AP2A1: variants seen among roughly 807,000 people sequenced by gnomAD.
AP2A1 encodes the protein adaptor related protein complex 2 subunit alpha 1, also known as AP-2 complex subunit alpha-1.
AP2A1 carries 21 observed loss-of-function variants against 107.3 expected under a neutral mutation model. The observed-to-expected ratio is 0.20, with a 90% confidence interval of 0.14 to 0.28. The LOEUF (loss-of-function observed/expected upper bound fraction) is 0.28. Among genes scored for constraint, AP2A1 ranks in the 10% least tolerant of loss-of-function variants. The probability of loss-of-function intolerance (pLI) is 1.00; values close to 1 mark genes in which losing one functional copy is unlikely to be tolerated. For synonymous variants in AP2A1, 602 were observed against 564.8 expected, an observed-to-expected ratio of 1.07 and a Z score of -0.93; for missense variants, 873 against 1,307.7, an observed-to-expected ratio of 0.67 and a Z score of 5.13.
intron 18 of AP2A1, chr19:49,804,906 C>T (rs1208627181): frequency 6.6e-6 from 1 of 152,372 alleles, no homozygotes; most frequent in Non-Finnish European, 1.5e-5. Flanking sequence ...CTCCTGAGGA[C>T]ATTTTACACA....
Position 49,805,546 on chromosome 19 carries a change from T to G in AP2A1, c.2438T>G (p.Leu813Arg), listed in dbSNP as rs1201757963. The G allele has an allele frequency of 6.3e-7, 1 of 1,577,620 alleles. No individual in the cohort carries two copies. Among genetic ancestry groups the G allele is most frequent in the Non-Finnish European group, 8.6e-7 (1 of 1,162,574 alleles). Residue 813 changes from leucine to arginine, a missense_variant, in exon 19 of 23, where the codon CTG becomes CGG. Physicochemically the swap from Leu to Arg is moderately radical, Grantham distance 102 (BLOSUM62 -2). Around this residue, in one of 4 missense-constraint regions of AP2A1, gnomAD observed 416 missense variants for 473.4 expected, o/e 0.88. Transcript: ENST00000354293. ...VLNIECLRDF[L>R]TPPLLSVRFR... The stretch of plus-strand genomic sequence containing the variant: ...AATATCGAGTGCCTGCGGGACTTCC[T>G]GACGCCCCCGCTGCTGTCCGTGCGC...
intron 18 of AP2A1, chr19:49,803,677 T>C (rs1225014195): frequency 1.8e-5 from 8 of 436,472 alleles, no homozygotes; most frequent in Non-Finnish European, 2.6e-5. Context: ...GGGCTCCATG[T>C]CATGATGCCA....
Position 49,793,092 on chromosome 19 carries a change from G to T in AP2A1, c.705G>T (p.Arg235=), listed in dbSNP as rs911292473. The T allele has an allele frequency of 6.3e-7, 1 of 1,598,990 alleles. No homozygotes were observed. The highest frequency in any genetic ancestry group is 1.1e-5 in the South Asian group (1 of 88,454). ...CVSLAVSRLS[R]IVSSASTDLQ... is the part of the protein sequence containing the mutation. ...CTCTGGCTGTGTCGCGCCTGAGCCG[G>T]GTGGGTGTGGCCTAGATATTGGCTG... Residue 235 remains arginine (R), a splice_region_variant and synonymous_variant, in exon 6 of 23, where the codon CGG becomes CGT. Transcript: ENST00000354293.
At chr19:49,790,221 G>C (rs1418681730) in intron 4 of AP2A1, among the ~76,000 whole-genome samples, 1 of 152,158 alleles carries the variant, frequency 6.6e-6, no homozygotes, top group Non-Finnish European at 1.5e-5. Flanking sequence ...GCTTTCCTTG[G>C]CTCGTGGCCC....
intron 21 of AP2A1, 89 bp downstream of exon 21, chr19:49,806,030 C>T (rs1355019328): frequency 1.9e-6 from 3 of 1,609,944 alleles, no homozygotes; most frequent in Non-Finnish European, 2.5e-6. Flanking sequence ...GGCCAATTCC[C>T]ATCCCCAAGG....
Position 49,807,099 on chromosome 19 carries a change from C to CA in AP2A1, c.*342dup, listed in dbSNP as rs1555795381. 3 of 1,353,320 alleles carry CA rather than the reference C, an allele frequency of 2.2e-6. No homozygotes were observed. Among genetic ancestry groups the CA allele is most frequent in the Non-Finnish European group, 2.9e-6 (3 of 1,020,222 alleles). The allele number at this position is 1,353,320 out of a possible 1,614,324, so 83.8% of individuals were successfully genotyped here. On this transcript the variant is annotated 3_prime_UTR_variant, in exon 23 of 23. Coordinates refer to ENST00000354293, the MANE Select transcript of AP2A1 (RefSeq NM_130787.3). ...CTGTGTATTATTGTGAGCGAATAAA[C>CA]AGAGAGACGCTAACAGCCCCATGTC...
chr19:49,783,318 A>G (rs1460796243), intron 4 of AP2A1, among the ~76,000 whole-genome samples: 1 of 152,110 alleles, frequency 6.6e-6, no homozygotes, highest in Non-Finnish European at 1.5e-5. Flanking sequence ...GCAAAATCCC[A>G]ATCTCTACTA....
intron 4 of AP2A1, among the ~76,000 whole-genome samples, chr19:49,784,969 T>A (rs1477777993): frequency 6.6e-6 from 1 of 152,176 alleles, no homozygotes; most frequent in African/African-American, 2.4e-5. Context: ...AAAGCCAGAA[T>A]TAGTGGCCTG....
chr19:49,799,178 T>A (rs2073246101), intron 8 of AP2A1, 149 bp from the exon 9 acceptor site: 1 of 1,141,474 alleles, frequency 8.8e-7, no homozygotes, highest in Non-Finnish European at 1.2e-6. Context: ...GTTGTCTGGG[T>A]CACTGGAGGT....
intron 8 of AP2A1, 99 bp downstream of exon 8, chr19:49,799,051 G>T: frequency 1.4e-6 from 2 of 1,461,824 alleles, no homozygotes; most frequent in South Asian, 1.3e-5. Context: ...AGGGAATCTT[G>T]ACTTTTAGGT....
chr19:49,807,099 CAGAG>C lies in AP2A1; in HGVS notation c.*345_*348del, dbSNP rs767296732. 7.4e-6 allele frequency: 10 copies of C among 1,353,318 alleles called. No individual in the cohort carries two copies. The highest frequency in any genetic ancestry group is 2.3e-5 in the South Asian group (2 of 87,478). 83.8% of individuals were successfully genotyped at this position (1,353,318 alleles called of 1,614,324 possible). A position where few individuals can be genotyped will look rare whatever the true frequency, so the allele number is the denominator to read the frequency against. ...CTGTGTATTATTGTGAGCGAATAAA[CAGAG>C]AGACGCTAACAGCCCCATGTCTGTG... On this transcript the variant is annotated 3_prime_UTR_variant, in exon 23 of 23. Coordinates refer to ENST00000354293, the MANE Select transcript of AP2A1 (RefSeq NM_130787.3).
In AP2A1 at chr19:49,799,394, C is replaced by T. The variant is rs763590791; in HGVS notation, c.1033C>T (p.Leu345=). The change falls in exon 9 of 23, where the codon CTG becomes TTG. Residue 345 remains leucine, a synonymous_variant. Coordinates refer to ENST00000354293, the MANE Select transcript of AP2A1 (RefSeq NM_130787.3). ...GTTCCTGCAGCACCGGGAGACCAAC[C>T]TGCGCTACCTGGCCCTGGAGAGCAT... The part of the protein sequence containing the change: ...GQFLQHRETN[L]RYLALESMCT... 1 of 1,612,504 alleles carries T rather than the reference C, an allele frequency of 6.2e-7. No individual in the cohort carries two copies. The highest frequency in any genetic ancestry group is 1.1e-5 in the South Asian group (1 of 90,870).
Position 49,786,496 on chromosome 19 carries a change from C to T in AP2A1, c.473+3772C>T, listed in dbSNP as rs377010332. 7.2e-5 allele frequency among the ~76,000 whole-genome samples: 11 copies of T among 152,296 alleles called. No individual in the cohort carries two copies. In the East Asian group the frequency reaches 1.4e-3, roughly 19 times the overall value. On this transcript the variant is annotated intron_variant, in intron 4 of 22. Coordinates refer to ENST00000354293, the MANE Select transcript of AP2A1 (RefSeq NM_130787.3). ...CATGGGGATTGATGGCAGTTAAGCT[C>T]GGGCCTGGTGAAGCCCCTGAGGGCA...
chr19:49,772,256 T>G (rs576891829), intron 1 of AP2A1, among the ~76,000 whole-genome samples: 4,049 of 105,916 alleles, frequency 0.038, 147 homozygotes, highest in African/African-American at 0.069. Flanking sequence ...GTTTTTTTTT[T>G]TTTTTTTTTT....
chr19:49,806,320 C>G (rs918942513), intron 22 of AP2A1, 67 bp downstream of exon 22: 101 of 1,491,174 alleles, frequency 6.8e-5, no homozygotes, highest in Middle Eastern at 2.1e-4. Context: ...GTCCACCCTT[C>G]CTGCCTCACT....
At chr19:49,784,190 G>A (rs1827809278) in intron 4 of AP2A1, among the ~76,000 whole-genome samples, 1 of 152,262 alleles carries the variant, frequency 6.6e-6, no homozygotes, top group African/African-American at 2.4e-5. Flanking sequence ...ACTTTGGGAG[G>A]CTGAGGCAGG....
At chr19:49,777,830 A>C (rs1402337268) in intron 1 of AP2A1, among the ~76,000 whole-genome samples, 1 of 112,916 alleles carries the variant, frequency 8.9e-6, no homozygotes, top group African/African-American at 3.1e-5. Context: ...TGGGAGGCTG[A>C]GATGGGAGGG....
At chr19:49,796,500 A>G (rs7258104) in intron 7 of AP2A1, 76,642 of 152,250 alleles carry the variant, frequency 0.5, 19,467 homozygotes, top group South Asian at 0.64. Flanking sequence ...AGTTCCCTCC[A>G]TTCAGCCAGC....
intron 11 of AP2A1, 164 bp from the exon 12 acceptor site, chr19:49,800,797 A>T (rs1473129891): frequency 1.8e-6 from 1 of 567,414 alleles, no homozygotes; most frequent in African/African-American, 1.9e-5. Context: ...TTCCTGTGTG[A>T]GCTTGGGCCC....
Sources: gnomAD v4.1 joint callset for allele counts (sites outside exome capture counted in the v4.1 genomes callset) on GRCh38, gnomAD v4.1.1 for gene constraint, gnomAD v4.1.1 regional missense constraint, MANE v1.5 for transcripts, NCBI Gene and HGNC (gene_info 2026-07-23, HGNC 2026-07-21) for gene names.